Variants in WAC observed in about 807,000 individuals in gnomAD.
WAC encodes WW domain containing adaptor with coiled-coil, also known as WW domain-containing adapter protein with coiled-coil.
A neutral mutation model predicts 79.6 loss-of-function variants in WAC; 11 were observed. The observed-to-expected ratio is 0.14, with a 90% CI of 0.09 to 0.23. The LOEUF is 0.23. WAC is among the 10% of genes least tolerant of loss of function. The pLI is 1.00. For synonymous variants in WAC, 304 were observed against 276.9 expected, an observed-to-expected ratio of 1.10 and a Z score of -0.97; for missense variants, 728 against 773.5, an observed-to-expected ratio of 0.94 and a Z score of 0.70.
intron 3 of WAC, among the ~76,000 whole-genome samples, chr10:28,536,121 C>T (rs1486913145): frequency 6.6e-6 from 1 of 152,016 alleles, no homozygotes; most frequent in East Asian, 1.9e-4. Context: ...GTGGCAGGCG[C>T]CTGTAGTGCC....
intron 6 of WAC, among the ~76,000 whole-genome samples, chr10:28,592,405 C>T (rs1379720220): frequency 1.2e-4 from 19 of 152,110 alleles, no homozygotes; most frequent in East Asian, 3.9e-4. Context: ...AGGCGGATCA[C>T]GAAGTCAAGA....
At chr10:28,610,056 C>T in intron 8 of WAC, among the ~76,000 whole-genome samples, 1 of 151,384 alleles carries the variant, frequency 6.6e-6, no homozygotes, top group Non-Finnish European at 1.5e-5. Context: ...CTCAGCCTCC[C>T]TAGTAGCTGG....
intron 4 of WAC, 47 bp downstream of exon 4, chr10:28,583,552 C>T: frequency 1.2e-6 from 1 of 827,470 alleles, no homozygotes; most frequent in Non-Finnish European, 1.7e-6. Flanking sequence ...GAATTTTTTG[C>T]AAAAAAAAAA....
chr10:28,566,149 A>G (rs549682818), intron 3 of WAC, among the ~76,000 whole-genome samples: 11 of 152,276 alleles, frequency 7.2e-5, no homozygotes, highest in Admixed American at 3.3e-4. Context: ...AAGTCAGACA[A>G]AGCTCCAGGG....
chr10:28,535,827 G>A, intron 3 of WAC, 70 bp downstream of exon 3: 1 of 1,313,418 alleles, frequency 7.6e-7, no homozygotes, highest in Non-Finnish European at 1.0e-6. Context: ...GGCGGCAGTA[G>A]TATTTCTAGC....
intron 3 of WAC, among the ~76,000 whole-genome samples, chr10:28,552,790 T>TGTC (rs1396436239): frequency 1.3e-5 from 2 of 151,432 alleles, no homozygotes; most frequent in East Asian, 3.9e-4. Context: ...ATCTGGATGT[T>TGTC]GTCGTTTTTA....
intron 9 of WAC, 114 bp from the exon 10 acceptor site, chr10:28,611,660 G>T: frequency 7.4e-7 from 1 of 1,352,618 alleles, no homozygotes. Context: ...GGGTAATATG[G>T]GGGTGGGGGG....
At chr10:28,583,028 A>G (rs1839620540) in intron 3 of WAC, among the ~76,000 whole-genome samples, 1 of 152,182 alleles carries the variant, frequency 6.6e-6, no homozygotes, top group African/African-American at 2.4e-5. Flanking sequence ...TTAGTTCTGT[A>G]TCATTTGAGT....
At chr10:28,596,179 G>C (rs1270747537) in intron 7 of WAC, 138 bp downstream of exon 7, 18 of 922,500 alleles carry the variant, frequency 2.0e-5, no homozygotes, top group Non-Finnish European at 2.7e-5. Context: ...TCTGTGTAGA[G>C]TTAGGTGTAG....
chr10:28,583,625 A>G (rs1839655576), intron 4 of WAC, 120 bp downstream of exon 4: 1 of 693,376 alleles, frequency 1.4e-6, no homozygotes, highest in South Asian at 2.4e-5. Flanking sequence ...AAATGTTTCA[A>G]TCACAGTCTT....
chr10:28,537,492 C>A (rs1176116385), intron 3 of WAC: 1 of 152,186 alleles, frequency 6.6e-6, no homozygotes, highest in Non-Finnish European at 1.5e-5. Context: ...TGACTATGAT[C>A]CAGTTTATCC....
chr10:28,590,482 A>G (rs76655911), intron 5 of WAC, among the ~76,000 whole-genome samples: 2 of 152,330 alleles, frequency 1.3e-5, no homozygotes, highest in East Asian at 1.9e-4. Context: ...TAGAATTAAA[A>G]TTGCTGAGCT....
intron 3 of WAC, among the ~76,000 whole-genome samples, chr10:28,553,576 A>AGGC (rs1837817953): frequency 6.6e-6 from 1 of 152,166 alleles, no homozygotes; most frequent in African/African-American, 2.4e-5. Flanking sequence ...TGAAGAACAA[A>AGGC]GGCATTATAT....
At chr10:28,604,751 C>T (rs1335737480) in intron 7 of WAC, among the ~76,000 whole-genome samples, 3 of 152,086 alleles carry the variant, frequency 2.0e-5, no homozygotes, top group African/African-American at 7.2e-5. Flanking sequence ...AATTCCTCTC[C>T]CGAGGAAGCT....
At chr10:28,608,486 A>G (rs1841067325) in intron 8 of WAC, 55 bp downstream of exon 8, 2 of 1,468,514 alleles carry the variant, frequency 1.4e-6, no homozygotes, top group Non-Finnish European at 1.8e-6. Context: ...AAAGTTATGT[A>G]AGTAGTAAAA....
chr10:28,559,680 T>C (rs907179125), intron 3 of WAC, among the ~76,000 whole-genome samples: 1 of 152,230 alleles, frequency 6.6e-6, no homozygotes, highest in African/African-American at 2.4e-5. Context: ...TTATCGTTAA[T>C]GATAAGGGAT....
At chr10:28,597,468 T>A (rs928433737) in intron 7 of WAC, among the ~76,000 whole-genome samples, 4 of 152,182 alleles carry the variant, frequency 2.6e-5, no homozygotes, top group African/African-American at 7.2e-5. Flanking sequence ...TTAACTCCTT[T>A]TTGAAATTCT....
chr10:28,555,102 A>T (rs749910393), intron 3 of WAC, among the ~76,000 whole-genome samples: 40 of 152,196 alleles, frequency 2.6e-4, no homozygotes, highest in African/African-American at 9.4e-4. Context: ...CAGTTTCCCA[A>T]TTGCCAGGCC....
At chr10:28,584,980 A>G (rs1323817174) in intron 4 of WAC, among the ~76,000 whole-genome samples, 1 of 152,170 alleles carries the variant, frequency 6.6e-6, no homozygotes, top group Non-Finnish European at 1.5e-5. Flanking sequence ...AGGCAGGAGA[A>G]TTACTTGAAC....
Sources: gnomAD v4.1 joint callset for allele counts (sites outside exome capture counted in the v4.1 genomes callset) on GRCh38, gnomAD v4.1.1 for gene constraint, MANE v1.5 for transcripts, NCBI Gene and HGNC (gene_info 2026-07-23, HGNC 2026-07-21) for gene names.